The following DDX60 variants were observed in gnomAD, a reference collection of about 807,000 sequenced individuals.
DDX60 encodes probable ATP-dependent RNA helicase DDX60.
In DDX60, 165 loss-of-function variants were observed where a neutral mutation model predicts 212.8. The ratio of observed to expected loss-of-function variants is 0.78; its 90% confidence interval spans 0.68 to 0.88. The LOEUF is 0.88. DDX60 is among the 40% of genes least tolerant of loss of function. The pLI is 0.00. For missense variants in DDX60, 1,905 were observed against 2,003.9 expected (o/e 0.95, Z 0.94); for synonymous variants, 703 against 685.3 (o/e 1.03, Z -0.40).
intron 37 of DDX60, among the ~76,000 whole-genome samples, chr4:168,219,519 T>C (rs1732974982): frequency 6.6e-6 from 1 of 152,082 alleles, no homozygotes; most frequent in Non-Finnish European, 1.5e-5. Context: ...TATCTAGAGA[T>C]ATTCCAAGTG....
At chr4:168,241,693 G>A (rs750811849) in intron 30 of DDX60, among the ~76,000 whole-genome samples, 12 of 152,132 alleles carry the variant, frequency 7.9e-5, no homozygotes, top group African/African-American at 1.9e-4. Context: ...AAGGCATTCC[G>A]TTTTATAAGG....
chr4:168,277,802 C>A (rs542388492), intron 14 of DDX60, among the ~76,000 whole-genome samples: 1 of 143,198 alleles, frequency 7.0e-6, no homozygotes, highest in South Asian at 2.2e-4. Flanking sequence ...GAGCGAGACT[C>A]CATCTCAAAA....
chr4:168,297,577 A>G (rs1736459740), intron 6 of DDX60, among the ~76,000 whole-genome samples: 2 of 152,218 alleles, frequency 1.3e-5, no homozygotes, highest in Non-Finnish European at 2.9e-5. Flanking sequence ...CAGAAAAATA[A>G]TAGTGGAAAT....
intron 36 of DDX60, among the ~76,000 whole-genome samples, chr4:168,220,920 A>G (rs555568900): frequency 6.6e-6 from 1 of 152,274 alleles, no homozygotes; most frequent in Admixed American, 6.5e-5. Context: ...AAATTTCACA[A>G]TCATATATAA....
At chr4:168,237,900 T>C in intron 30 of DDX60, 105 bp from the exon 31 acceptor site, 1 of 778,174 alleles carries the variant, frequency 1.3e-6, no homozygotes, top group Non-Finnish European at 1.9e-6. Flanking sequence ...CACAAAGATA[T>C]CAGAAATGTA....
chr4:168,238,576 C>A (rs1302882250), intron 30 of DDX60, among the ~76,000 whole-genome samples: 1 of 151,780 alleles, frequency 6.6e-6, no homozygotes, highest in Non-Finnish European at 1.5e-5. Flanking sequence ...CACTTTCCAT[C>A]TCCTTACTGT....
At chr4:168,232,658 C>T (rs540750025) in intron 33 of DDX60, among the ~76,000 whole-genome samples, 14 of 151,902 alleles carry the variant, frequency 9.2e-5, no homozygotes, top group African/African-American at 2.9e-4. Context: ...GCAAGCCACA[C>T]GTAGCAGAAT....
Position 168,280,669 on chromosome 4 carries a change from T to C in DDX60, c.1723-79A>G, listed in dbSNP as rs879158449. 5 of 1,454,594 alleles carry C rather than the reference T, an allele frequency of 3.4e-6. No homozygotes were observed. In the South Asian group the frequency reaches 4.2e-5, roughly 12 times the overall value. 90.1% of individuals were successfully genotyped at this position (1,454,594 alleles called of 1,614,324 possible). A position where few individuals can be genotyped will look rare whatever the true frequency, so the allele number is the denominator to read the frequency against. On this transcript the variant is annotated intron_variant, in intron 13 of 37. Transcript: ENST00000393743. The stretch of plus-strand genomic sequence containing the variant: ...ACAGGTCATGAGTGAGACAATATTA[T>C]GGGTGTATTGAAGACTTTGACCATC...
At chr4:168,310,926 G>T in intron 3 of DDX60, 72 bp downstream of exon 3, 1 of 877,666 alleles carries the variant, frequency 1.1e-6, no homozygotes, top group Non-Finnish European at 1.8e-6. Context: ...CTATAAATCA[G>T]CATAAGGCCA....
At position 168,311,086 on chromosome 4, in the gene DDX60, A is replaced by C. The variant is rs779654942; in HGVS notation, c.5-19T>G. Reference sequence around the variant, plus strand: ...TTTCTTTCTAAATTTAAAAAAAAAGAGAGAAAGAGAATGGGTTATTTTTCA... The same window carrying C: ...TTTCTTTCTAAATTTAAAAAAAAAGCGAGAAAGAGAATGGGTTATTTTTCA... On this transcript the variant is annotated intron_variant, in intron 2 of 37. Transcript: ENST00000393743. 5 of 1,487,560 alleles carry C rather than the reference A, an allele frequency of 3.4e-6. No homozygotes were observed. Among genetic ancestry groups the C allele is most frequent in the Non-Finnish European group, 3.7e-6 (4 of 1,075,962 alleles). 92.1% of individuals were successfully genotyped at this position (1,487,560 alleles called of 1,614,324 possible).
intron 28 of DDX60, among the ~76,000 whole-genome samples, chr4:168,250,209 A>AC (rs1179965804): frequency 6.6e-6 from 1 of 152,172 alleles, no homozygotes; most frequent in Non-Finnish European, 1.5e-5. Context: ...AAAATTTGCC[A>AC]AAGTATTTAT....
chr4:168,322,954 C>T (rs985079767), upstream of DDX60, among the ~76,000 whole-genome samples: 4 of 152,170 alleles, frequency 2.6e-5, no homozygotes, highest in Admixed American at 1.3e-4. Context: ...GCTGACTAGA[C>T]AGTGAAATCC....
Position 168,273,944 on chromosome 4 carries a change from G to A in DDX60, c.2444C>T (p.Ala815Val), listed in dbSNP as rs150574551. The A allele has an allele frequency of 1.2e-6, 2 of 1,613,540 alleles. No individual in the cohort carries two copies. Among genetic ancestry groups the A allele is most frequent in the African/African-American group, 2.7e-5 (2 of 74,922 alleles). ...ESDDGVVVYV[A>V]PTKALVNQVA... ...TCACTTGAGCACTACCTTTGTGGGT[G>A]CAACGTACACGACCACCCCGTCGTC... The change falls in exon 17 of 38, where the codon GCA (alanine) becomes GTA (valine). Residue 815 changes from alanine (A) to valine (V), a missense_variant. Transcript: ENST00000393743.
chr4:168,228,346 A>G (rs1733329966), intron 33 of DDX60, among the ~76,000 whole-genome samples: 1 of 151,948 alleles, frequency 6.6e-6, no homozygotes, highest in Non-Finnish European at 1.5e-5. Context: ...AAATCTTTGT[A>G]TTTTACTTAG....
At chr4:168,264,051 A>G (rs1037465273) in intron 22 of DDX60, among the ~76,000 whole-genome samples, 6 of 152,068 alleles carry the variant, frequency 3.9e-5, no homozygotes, top group Non-Finnish European at 7.4e-5. Flanking sequence ...CAGGCTTCAA[A>G]TTTCGGGGCT....
chr4:168,221,949 T>C, intron 35 of DDX60, 68 bp from the exon 36 acceptor site: 1 of 1,487,088 alleles, frequency 6.7e-7, no homozygotes. Context: ...TCTTATGTGG[T>C]GCTTTGTAGA....
intron 16 of DDX60, among the ~76,000 whole-genome samples, chr4:168,274,561 A>G (rs141635707): frequency 0.012 from 1,758 of 152,336 alleles, 17 homozygotes; most frequent in Non-Finnish European, 0.019. Flanking sequence ...TCTATGTAAT[A>G]GGTAGAAGGT....
intron 8 of DDX60, among the ~76,000 whole-genome samples, chr4:168,288,666 T>C (rs1735966205): frequency 6.6e-6 from 1 of 152,184 alleles, no homozygotes; most frequent in South Asian, 2.1e-4. Context: ...TTTATTTAGA[T>C]TTTAATATGT....
chr4:168,264,115 G>A (rs549496064), intron 22 of DDX60, among the ~76,000 whole-genome samples: 22 of 152,240 alleles, frequency 1.4e-4, no homozygotes, highest in African/African-American at 4.8e-4. Context: ...ATGATGTTTG[G>A]TAGAATGGAA....
Sources: gnomAD v4.1 joint callset for allele counts (sites outside exome capture counted in the v4.1 genomes callset) on GRCh38, gnomAD v4.1.1 for gene constraint, MANE v1.5 for transcripts, NCBI Gene and HGNC (gene_info 2026-07-23, HGNC 2026-07-21) for gene names.